The following SLC25A26 variants were observed in gnomAD, a reference collection of about 807,000 sequenced individuals.
The protein encoded by SLC25A26 is mitochondrial S-adenosylmethionine carrier protein.
SLC25A26 carries 36 observed loss-of-function variants against 37.8 expected under a neutral mutation model. The observed-to-expected ratio is 0.95, with a 90% confidence interval of 0.73 to 1.26. The LOEUF is 1.26. SLC25A26 is among the 50% of genes most tolerant of loss of function. SLC25A26 has a pLI of 0.00. For missense variants in SLC25A26, 390 were observed against 331.1 expected, an observed-to-expected ratio of 1.18 and a Z score of -1.38; for synonymous variants, 129 against 122.5, an observed-to-expected ratio of 1.05 and a Z score of -0.35.
At chr3:66,216,973 A>G (rs1428545190), upstream of SLC25A26, among the ~76,000 whole-genome samples, 3 of 152,352 alleles carry the variant, frequency 2.0e-5, no homozygotes, top group East Asian at 5.8e-4. Context: ...TGTTTGTAAT[A>G]TCTGTATTTC....
At chr3:66,375,690 A>G (rs1700608457) in intron 9 of SLC25A26, among the ~76,000 whole-genome samples, 1 of 152,214 alleles carries the variant, frequency 6.6e-6, no homozygotes, top group Non-Finnish European at 1.5e-5. Flanking sequence ...CCTAGTGCTC[A>G]GAGGAAAAGA....
At chr3:66,284,314 A>G (rs1487429763) in intron 5 of SLC25A26, among the ~76,000 whole-genome samples, 1 of 152,150 alleles carries the variant, frequency 6.6e-6, no homozygotes, top group African/African-American at 2.4e-5. Flanking sequence ...ATGCCACTGT[A>G]CTCCAGTCTG....
In SLC25A26 at chr3:66,315,281, A is replaced by G. The variant is rs1318423793; in HGVS notation, c.454-31083A>G. On this transcript the variant is annotated intron_variant, in intron 5 of 9. Transcript: ENST00000354883. ...ATTTATTGCTATAAATTTCCCTCATAATGCTGCAAATCTGTGTCCCAGAGA... is the reference window on the plus strand; with the variant it reads ...ATTTATTGCTATAAATTTCCCTCATGATGCTGCAAATCTGTGTCCCAGAGA... Among the ~76,000 whole-genome samples the G allele has an allele frequency of 3.9e-5, 6 of 152,242 alleles. No homozygotes were observed. In the South Asian group the frequency reaches 8.3e-4, roughly 21 times the overall value.
intron 1 of SLC25A26, among the ~76,000 whole-genome samples, chr3:66,225,094 G>C (rs1261101887): frequency 6.6e-6 from 1 of 152,048 alleles, no homozygotes; most frequent in Non-Finnish European, 1.5e-5. Context: ...ACCATTCTGG[G>C]GTCTGGAGGA....
At chr3:66,297,235 G>A (rs1440558788) in intron 5 of SLC25A26, among the ~76,000 whole-genome samples, 1 of 151,678 alleles carries the variant, frequency 6.6e-6, no homozygotes, top group Non-Finnish European at 1.5e-5. Flanking sequence ...GGCTGAGGCA[G>A]GAGAATTGCT....
At chr3:66,262,355 C>A (rs775664457) in intron 4 of SLC25A26, among the ~76,000 whole-genome samples, 200 bp downstream of exon 4, 9 of 152,128 alleles carry the variant, frequency 5.9e-5, no homozygotes, top group Non-Finnish European at 1.2e-4. Flanking sequence ...TTTCAAATTT[C>A]TGAGCATAAC....
At chr3:66,147,458 C>T (rs895587030) in intron 1 of SLC25A26, among the ~76,000 whole-genome samples, 2 of 151,964 alleles carry the variant, frequency 1.3e-5, no homozygotes, top group African/African-American at 4.8e-5. Context: ...GCACCATGCT[C>T]AACCCACATT....
At chr3:66,313,975 C>G (rs963228128) in intron 5 of SLC25A26, among the ~76,000 whole-genome samples, 1 of 152,052 alleles carries the variant, frequency 6.6e-6, no homozygotes, top group South Asian at 2.1e-4. Flanking sequence ...GATTTTGTAT[C>G]CTGAGACGTT....
intron 5 of SLC25A26, among the ~76,000 whole-genome samples, chr3:66,286,459 T>C (rs1322544527): frequency 2.0e-5 from 3 of 152,130 alleles, no homozygotes; most frequent in Non-Finnish European, 4.4e-5. Flanking sequence ...ATTTTTTTTT[T>C]CCTCACTGAA....
In SLC25A26 at chr3:66,364,054, G is replaced by A. The variant is rs771341641; in HGVS notation, c.568+1125G>A. On this transcript the variant is annotated intron_variant, in intron 7 of 9. Coordinates refer to ENST00000354883, the MANE Select transcript of SLC25A26 (RefSeq NM_001379210.1). ...TGTAGACACTCTCCTGGGCCCTGGG[G>A]ACAAAATGAGCGCATTATGGAAATT... Among the ~76,000 whole-genome samples the A allele has an allele frequency of 6.6e-5, 10 of 152,186 alleles. No individual in the cohort carries two copies. In the South Asian group the frequency reaches 2.1e-3, roughly 32 times the overall value.
intron 1 of SLC25A26, among the ~76,000 whole-genome samples, chr3:66,153,709 T>A (rs576509581): frequency 6.6e-6 from 1 of 152,290 alleles, no homozygotes; most frequent in East Asian, 1.9e-4. Flanking sequence ...GCACCAGCAG[T>A]GGGTGTGGAG....
At chr3:66,186,589 A>T (rs2070832770) in intron 1 of SLC25A26, among the ~76,000 whole-genome samples, 1 of 151,978 alleles carries the variant, frequency 6.6e-6, no homozygotes, top group Admixed American at 6.6e-5. Flanking sequence ...CATAAATTTG[A>T]ACTTGACCAT....
chr3:66,357,239 A>T (rs916214419), intron 6 of SLC25A26, among the ~76,000 whole-genome samples: 1 of 152,126 alleles, frequency 6.6e-6, no homozygotes, highest in African/African-American at 2.4e-5. Flanking sequence ...ACATAGCAAG[A>T]TGCTGCCTCA....
chr3:66,222,394 A>T (rs1255771784), intron 1 of SLC25A26, among the ~76,000 whole-genome samples: 6 of 152,040 alleles, frequency 3.9e-5, no homozygotes, highest in Non-Finnish European at 8.8e-5. Flanking sequence ...GTTAGCCAGG[A>T]TGGTCTCGAT....
intron 5 of SLC25A26, among the ~76,000 whole-genome samples, chr3:66,326,584 A>C (rs2075843441): frequency 6.6e-6 from 1 of 152,148 alleles, no homozygotes; most frequent in African/African-American, 2.4e-5. Context: ...TCCACGGGAG[A>C]AGTCTCCCTG....
At chr3:66,371,258 G>C (rs1034612592) in intron 9 of SLC25A26, 2 of 1,547,904 alleles carry the variant, frequency 1.3e-6, no homozygotes, top group East Asian at 4.9e-5. Flanking sequence ...CCTTTGCAGA[G>C]GGTCGGTCGG....
chr3:66,162,570 G>C (rs2070374809), intron 1 of SLC25A26, among the ~76,000 whole-genome samples: 1 of 152,148 alleles, frequency 6.6e-6, no homozygotes, highest in Admixed American at 6.6e-5. Context: ...AAGAAGACTT[G>C]AGACTAGAGC....
At chr3:66,274,656 A>G (rs2074072386) in intron 5 of SLC25A26, among the ~76,000 whole-genome samples, 2 of 152,260 alleles carry the variant, frequency 1.3e-5, no homozygotes, top group Non-Finnish European at 2.9e-5. Context: ...AAAAATGCTC[A>G]TCATCACTGG....
intron 1 of SLC25A26, among the ~76,000 whole-genome samples, chr3:66,138,082 C>T (rs1206640624): frequency 6.6e-6 from 1 of 152,154 alleles, no homozygotes; most frequent in Non-Finnish European, 1.5e-5. Flanking sequence ...GATCCACCCG[C>T]CTCAGCCTCC....
Sources: allele counts gnomAD v4.1 joint callset (sites outside exome capture counted in the v4.1 genomes callset), GRCh38; gene constraint gnomAD v4.1.1; transcripts MANE v1.5; gene names NCBI Gene and HGNC (gene_info 2026-07-23, HGNC 2026-07-21).